Variants in ABCC4 observed in about 807,000 individuals in gnomAD.
ABCC4 encodes the protein ATP binding cassette subfamily C member 4 (PEL blood group).
ABCC4 carries 102 observed loss-of-function variants against 168.5 expected under a neutral mutation model. That is an observed-to-expected ratio of 0.61 (90% CI 0.52 to 0.71). The LOEUF (loss-of-function observed/expected upper bound fraction) is 0.71, where lower values mean the gene tolerates loss of function less well. ABCC4 is among the 30% of genes least tolerant of loss of function. The probability of loss-of-function intolerance (pLI) is 0.00; values close to 1 mark genes in which losing one functional copy is unlikely to be tolerated. For synonymous variants in ABCC4, 617 were observed against 590.7 expected (o/e 1.04, Z -0.65); for missense variants, 1,402 against 1,605.8 (o/e 0.87, Z 2.17).
At chr13:95,159,442 C>T (rs1414832063) in intron 19 of ABCC4, among the ~76,000 whole-genome samples, 5 of 151,692 alleles carry the variant, frequency 3.3e-5, no homozygotes, top group Non-Finnish European at 5.9e-5. Context: ...CACTCAGGTG[C>T]TGCTGTAAGA....
At chr13:95,224,770 A>G in intron 4 of ABCC4, among the ~76,000 whole-genome samples, 1 of 152,002 alleles carries the variant, frequency 6.6e-6, no homozygotes, top group Non-Finnish European at 1.5e-5. Flanking sequence ...ATGCTAATAG[A>G]TGTTTTACAT....
At chr13:95,029,213 TAGAGAG>T (rs1193218745) in intron 30 of ABCC4, among the ~76,000 whole-genome samples, 5 of 36,886 alleles carry the variant, frequency 1.4e-4, no homozygotes, top group East Asian at 7.4e-4. Context: ...TATATATATA[TAGAGAG>T]AGAGAGAGAG....
At chr13:95,133,347 C>G (rs747721677) in intron 19 of ABCC4, among the ~76,000 whole-genome samples, 1 of 152,026 alleles carries the variant, frequency 6.6e-6, no homozygotes, top group Non-Finnish European at 1.5e-5. Context: ...CTCCTGGCCT[C>G]AATTGATCTG....
chr13:95,099,690 T>C (rs996501863), intron 20 of ABCC4, among the ~76,000 whole-genome samples: 3 of 152,084 alleles, frequency 2.0e-5, no homozygotes, highest in Admixed American at 2.0e-4. Flanking sequence ...AGAACAAAAA[T>C]GGCTCCTGAT....
chr13:95,261,126 A>T (rs1426257381), intron 1 of ABCC4, among the ~76,000 whole-genome samples: 2 of 152,104 alleles, frequency 1.3e-5, no homozygotes, highest in Non-Finnish European at 2.9e-5. Flanking sequence ...AGGAAGAAGC[A>T]ACTCTAAATC....
chr13:95,029,167 C>CAT (rs67576340), intron 30 of ABCC4, among the ~76,000 whole-genome samples: 1 of 82,930 alleles, frequency 1.2e-5, no homozygotes, highest in African/African-American at 5.7e-5. Context: ...AAAAAAAATA[C>CAT]ATATATATAT....
intron 1 of ABCC4, among the ~76,000 whole-genome samples, chr13:95,252,994 T>C (rs2040305046): frequency 1.3e-5 from 2 of 152,250 alleles, no homozygotes; most frequent in African/African-American, 2.4e-5. Flanking sequence ...GTGACCACCC[T>C]AGACTCTGAA....
At chr13:95,131,995 G>A (rs1751069) in intron 19 of ABCC4, among the ~76,000 whole-genome samples, 2,806 of 152,050 alleles carry the variant, frequency 0.018, 86 homozygotes, top group African/African-American at 0.062. Flanking sequence ...AGAGATATGC[G>A]CACACTCATG....
intron 1 of ABCC4, among the ~76,000 whole-genome samples, chr13:95,269,886 TCTTCA>T (rs2040801050): frequency 1.3e-5 from 2 of 152,144 alleles, no homozygotes; most frequent in African/African-American, 4.8e-5. Flanking sequence ...GAAATACCAT[TCTTCA>T]CTTCACTCAT....
rs377750538 is a variant in ABCC4 at position 95,058,593 on chromosome 13, G to GAAAAAAGAAAAGA, written c.3366+4110_3366+4111insTCTTTTCTTTTTT. 5.0e-4 allele frequency among the ~76,000 whole-genome samples: 40 copies of GAAAAAAGAAAAGA among 80,444 alleles called. 3 individuals carry two copies. The highest frequency in any genetic ancestry group is 3.9e-4 in the Non-Finnish European group (17 of 43,398). The allele number at this position is 80,444 out of a possible 152,430, so 52.8% of individuals were successfully genotyped here. On this transcript the variant is annotated intron_variant, in intron 26 of 30. Transcript: ENST00000645237. ...AAAAAAAAAAAAAAAAAAAAAAAAAGAAAAGAAAAAGAAAAAGAAAAGAAA... is the reference window on the plus strand; with the variant it reads ...AAAAAAAAAAAAAAAAAAAAAAAAAGAAAAAAGAAAAGAAAAAGAAAAAGAAAAAGAAAAGAAA...
At chr13:95,161,952 GAATAA>G (rs2037113383) in intron 18 of ABCC4, among the ~76,000 whole-genome samples, 2 of 152,102 alleles carry the variant, frequency 1.3e-5, no homozygotes, top group Non-Finnish European at 2.9e-5. Flanking sequence ...ATTTTTAAAT[GAATAA>G]AATAAATCAT....
At chr13:95,286,003 G>A (rs1357811741) in intron 1 of ABCC4, among the ~76,000 whole-genome samples, 1 of 152,024 alleles carries the variant, frequency 6.6e-6, no homozygotes, top group Non-Finnish European at 1.5e-5. Flanking sequence ...AACTGAGGAC[G>A]CAAGCCTTAG....
At chr13:95,245,485 C>T (rs4148443) in intron 3 of ABCC4, among the ~76,000 whole-genome samples, 81,274 of 152,072 alleles carry the variant, frequency 0.53, 22,343 homozygotes, top group African/African-American at 0.66. Context: ...TGAAACTGAT[C>T]GGGGCCATGT....
At chr13:95,069,797 C>T (rs1386062782) in intron 25 of ABCC4, among the ~76,000 whole-genome samples, 1 of 152,210 alleles carries the variant, frequency 6.6e-6, no homozygotes, top group Non-Finnish European at 1.5e-5. Context: ...GTCAGAATCA[C>T]CTTCTTTTTA....
At position 95,031,241 on chromosome 13, in the gene ABCC4, TTA is replaced by T. The variant is rs544958233; in HGVS notation, c.3870+3362_3870+3363del. Among the ~76,000 whole-genome samples, 230 of 152,354 alleles carry T rather than the reference TTA, an allele frequency of 1.5e-3. 2 individuals carry two copies. The highest frequency in any genetic ancestry group is 5.3e-3 in the African/African-American group (222 of 41,580). On this transcript the variant is annotated intron_variant, in intron 30 of 30. Coordinates refer to ENST00000645237, the MANE Select transcript of ABCC4 (RefSeq NM_005845.5). ...GATGAGAATCAAGCTGTGTATTTCC[TTA>T]TGTCTTTCTGTAGAGGAGGTGACCT...
At chr13:95,222,620 T>C (rs960497637) in intron 4 of ABCC4, among the ~76,000 whole-genome samples, 2 of 151,692 alleles carry the variant, frequency 1.3e-5, no homozygotes, top group African/African-American at 4.8e-5. Flanking sequence ...TGAGGAGGAG[T>C]GAGCTGAATA....
chr13:95,195,544 TAA>T (rs1424588700), intron 8 of ABCC4, among the ~76,000 whole-genome samples: 1 of 152,218 alleles, frequency 6.6e-6, no homozygotes, highest in Non-Finnish European at 1.5e-5. Context: ...CACTATCACT[TAA>T]GTCAGTGTTC....
At chr13:95,246,001 T>C (rs2040095857) in intron 3 of ABCC4, among the ~76,000 whole-genome samples, 1 of 151,568 alleles carries the variant, frequency 6.6e-6, no homozygotes, top group South Asian at 2.1e-4. Flanking sequence ...CTGACATCCC[T>C]AAGGTAGCAC....
intron 7 of ABCC4, 93 bp downstream of exon 7, chr13:95,207,707 T>C: frequency 1.5e-6 from 2 of 1,376,708 alleles, no homozygotes; most frequent in South Asian, 2.6e-5. Context: ...GAACTTCCCA[T>C]AATGTGAAAA....
Sources: allele counts gnomAD v4.1 joint callset (sites outside exome capture counted in the v4.1 genomes callset), GRCh38; gene constraint gnomAD v4.1.1; transcripts MANE v1.5; gene names NCBI Gene and HGNC (gene_info 2026-07-23, HGNC 2026-07-21).